Variants in PDIA5 observed in about 807,000 individuals in gnomAD.
PDIA5 encodes protein disulfide isomerase family A member 5.
A neutral mutation model predicts 77.6 loss-of-function variants in PDIA5; 58 were observed. That is an observed-to-expected ratio of 0.75 (90% confidence interval 0.61 to 0.93). PDIA5 has a LOEUF of 0.93. Among genes scored for constraint, PDIA5 ranks in the 40% least tolerant of loss-of-function variants. The pLI is 0.00. For missense variants in PDIA5, 630 were observed against 647.7 expected (o/e 0.97, Z 0.30); for synonymous variants, 250 against 252.1 (o/e 0.99, Z 0.08).
intron 8 of PDIA5, 131 bp from the exon 9 acceptor site, chr3:123,123,935 G>T: frequency 1.5e-6 from 1 of 661,632 alleles, no homozygotes; most frequent in Non-Finnish European, 2.7e-6. Flanking sequence ...CAGCAGCCCT[G>T]ATGCACATCA....
At chr3:123,151,132 G>A (rs981973645) in intron 14 of PDIA5, among the ~76,000 whole-genome samples, 1 of 152,180 alleles carries the variant, frequency 6.6e-6, no homozygotes, top group African/African-American at 2.4e-5. Flanking sequence ...CCTTTCAAGT[G>A]TCAGTAATCC....
intron 16 of PDIA5, 46 bp from the exon 17 acceptor site, chr3:123,161,834 A>T: frequency 8.1e-7 from 1 of 1,239,472 alleles, no homozygotes; most frequent in Non-Finnish European, 1.2e-6. Flanking sequence ...CAGCCAGCTC[A>T]GGGATTAAAG....
chr3:123,102,921 G>A lies in PDIA5; in HGVS notation c.387+125G>A, dbSNP rs910735355. The A allele has an allele frequency of 5.6e-6, 4 of 715,678 alleles. No individual in the cohort carries two copies. The African/African-American group carries it at 7.0e-5, about 13-fold the overall frequency. 44.3% of individuals were successfully genotyped at this position (715,678 alleles called of 1,614,324 possible). A position where few individuals can be genotyped will look rare whatever the true frequency, so the allele number is the denominator to read the frequency against. On this transcript the variant is annotated intron_variant, in intron 5 of 16. Coordinates refer to ENST00000316218, the MANE Select transcript of PDIA5 (RefSeq NM_006810.4). ...AATAGCTCTTCTAAATGACCTGAGA[G>A]ATTCTTATCTCTAGAGCATATGTCA...
rs191001746 is a variant in PDIA5, at chr3:123,103,497, T to C, written c.387+701T>C. On this transcript the variant is annotated intron_variant, in intron 5 of 16. Coordinates refer to ENST00000316218, the MANE Select transcript of PDIA5 (RefSeq NM_006810.4). ...GAACTCACTTCCTAACCCTCCTGTTTCCCACACGGGGTTGGACCCTGTGCT... is the reference window on the plus strand; with the variant it reads ...GAACTCACTTCCTAACCCTCCTGTTCCCCACACGGGGTTGGACCCTGTGCT... Among the ~76,000 whole-genome samples, 473 of 152,292 alleles carry C rather than the reference T, an allele frequency of 3.1e-3. 1 individual carries two copies. The highest frequency in any genetic ancestry group is 4.1e-3 in the Non-Finnish European group (282 of 68,020).
intron 7 of PDIA5, among the ~76,000 whole-genome samples, chr3:123,112,534 CTTTTTTTT>C (rs55977938): frequency 6.2e-4 from 38 of 61,482 alleles, no homozygotes; most frequent in Middle Eastern, 0.016. Flanking sequence ...CAGCCCTATT[CTTTTTTTT>C]TTTTTTTTTT....
At chr3:123,160,448 C>CG (rs5852324) in intron 15 of PDIA5, among the ~76,000 whole-genome samples, 42,627 of 152,094 alleles carry the variant, frequency 0.28, 6,081 homozygotes, top group South Asian at 0.38. Context: ...TTTACTCATG[C>CG]GGGGCTCCTC....
chr3:123,158,561 A>G (rs2107996257), intron 15 of PDIA5, among the ~76,000 whole-genome samples: 1 of 152,354 alleles, frequency 6.6e-6, no homozygotes, highest in East Asian at 1.9e-4. Flanking sequence ...AGACCTCACC[A>G]GGAAACGTGA....
At chr3:123,129,135 G>T (rs557902995) in intron 10 of PDIA5, among the ~76,000 whole-genome samples, 7 of 152,212 alleles carry the variant, frequency 4.6e-5, no homozygotes, top group Non-Finnish European at 1.0e-4. Context: ...AAGATAAATT[G>T]CTCTGAAGTG....
chr3:123,101,906 C>CTTTTTTTGTTTTTTTT (rs1934608041), intron 3 of PDIA5, among the ~76,000 whole-genome samples: 1 of 71,376 alleles, frequency 1.4e-5, no homozygotes, highest in East Asian at 4.8e-4. Flanking sequence ...TTCTTTCTTG[C>CTTTTTTTGTTTTTTTT]TTTTTTTTTT....
chr3:123,159,349 T>C (rs1339654946), intron 15 of PDIA5, among the ~76,000 whole-genome samples: 1 of 152,192 alleles, frequency 6.6e-6, no homozygotes, highest in Non-Finnish European at 1.5e-5. Flanking sequence ...GCCTCATGTT[T>C]TTAAATAATA....
intron 11 of PDIA5, among the ~76,000 whole-genome samples, chr3:123,134,494 C>T (rs371596448): frequency 4.2e-4 from 64 of 152,280 alleles, no homozygotes; most frequent in African/African-American, 1.5e-3. Context: ...CCTCCCCGTT[C>T]TGTGTTACCC....
intron 1 of PDIA5, among the ~76,000 whole-genome samples, chr3:123,077,621 G>A (rs1262921924): frequency 6.6e-6 from 1 of 151,406 alleles, no homozygotes; most frequent in African/African-American, 2.4e-5. Context: ...ATGTTGCTTG[G>A]TTTTATTTCA....
chr3:123,156,535 C>T (rs1936022979), intron 15 of PDIA5, among the ~76,000 whole-genome samples: 1 of 152,200 alleles, frequency 6.6e-6, no homozygotes, highest in Admixed American at 6.5e-5. Context: ...TCCAGCATGG[C>T]CTGGGCTGCC....
chr3:123,118,199 A>T (rs529783799), intron 8 of PDIA5, among the ~76,000 whole-genome samples: 2 of 152,280 alleles, frequency 1.3e-5, no homozygotes, highest in Admixed American at 1.3e-4. Flanking sequence ...CTTGCTTCTC[A>T]CTAATGAATT....
chr3:123,138,651 G>A (rs1366626004), intron 11 of PDIA5, among the ~76,000 whole-genome samples: 4 of 152,208 alleles, frequency 2.6e-5, no homozygotes, highest in Admixed American at 6.5e-5. Flanking sequence ...AGGCATCTGT[G>A]AGTGTGTGAG....
At chr3:123,116,147 G>A (rs1934992841) in intron 7 of PDIA5, 84 bp from the exon 8 acceptor site, 8 of 1,051,778 alleles carry the variant, frequency 7.6e-6, no homozygotes, top group Non-Finnish European at 1.2e-5. Context: ...GTTGGGTAGA[G>A]GATGGCCATG....
intron 11 of PDIA5, among the ~76,000 whole-genome samples, chr3:123,142,650 T>C (rs1433877673): frequency 6.6e-6 from 1 of 152,190 alleles, no homozygotes; most frequent in Non-Finnish European, 1.5e-5. Flanking sequence ...ACATTAAGAA[T>C]ATCTGCTGTG....
Position 123,161,904 on chromosome 3 carries a change from C to A in PDIA5, c.1504C>A (p.Arg502=). 6.2e-7 allele frequency: 1 copy of A among 1,601,044 alleles called. No individual in the cohort carries two copies. The highest frequency in any genetic ancestry group is 8.6e-7 in the Non-Finnish European group (1 of 1,168,564). Reference sequence around the variant, plus strand: ...GGAATTGGGATTTACCAATTATATTCGAGCCCTCCGGGAGGGAGACCATGA... The same window carrying A: ...GGAATTGGGATTTACCAATTATATTAGAGCCCTCCGGGAGGGAGACCATGA... ...RTELGFTNYI[R]ALREGDHERL... Residue 502 remains arginine (R), a synonymous_variant, in exon 17 of 17, where the codon CGA becomes AGA. Transcript: ENST00000316218.
intron 1 of PDIA5, among the ~76,000 whole-genome samples, chr3:123,067,999 G>A (rs11921440): frequency 5.3e-5 from 8 of 152,138 alleles, no homozygotes; most frequent in Middle Eastern, 3.4e-3. Flanking sequence ...TACACTTGGT[G>A]GGGGGGACTC....
Sources: allele counts gnomAD v4.1 joint callset (sites outside exome capture counted in the v4.1 genomes callset), GRCh38; gene constraint gnomAD v4.1.1; transcripts MANE v1.5; gene names NCBI Gene and HGNC (gene_info 2026-07-23, HGNC 2026-07-21).